Variants in ST8SIA2 observed in about 807,000 individuals in gnomAD.
ST8SIA2 encodes ST8 alpha-N-acetyl-neuraminide alpha-2,8-sialyltransferase 2.
A neutral mutation model predicts 37.6 loss-of-function variants in ST8SIA2; 22 were observed. The ratio of observed to expected loss-of-function variants is 0.58; its 90% CI spans 0.42 to 0.83. ST8SIA2 has a LOEUF of 0.83. ST8SIA2 is among the 40% of genes least tolerant of loss of function. The pLI is 0.00. For missense variants in ST8SIA2, 382 were observed against 484.7 expected (o/e 0.79, Z 1.99); for synonymous variants, 205 against 201.2 (o/e 1.02, Z -0.16).
chr15:92,455,670 AGCCATTGGCG>A (rs2049915101), intron 5 of ST8SIA2, among the ~76,000 whole-genome samples: 1 of 152,232 alleles, frequency 6.6e-6, no homozygotes, highest in Admixed American at 6.5e-5. Context: ...TGTAAGCAGA[AGCCATTGGCG>A]GGCATTGAGG....
intron 1 of ST8SIA2, among the ~76,000 whole-genome samples, chr15:92,408,670 CCATTTTTTTTATTTATTTATTTATT>C (rs2049525693): frequency 1.4e-5 from 2 of 147,534 alleles, no homozygotes; most frequent in South Asian, 4.3e-4. Context: ...CCACTGAGTT[CCATTTTTTTTATTTATTTATTTATT>C]TATTTATTTA....
At chr15:92,400,117 G>A (rs1482395122) in intron 1 of ST8SIA2, among the ~76,000 whole-genome samples, 1 of 152,102 alleles carries the variant, frequency 6.6e-6, no homozygotes, top group African/African-American at 2.4e-5. Context: ...TCCTGCTGTT[G>A]CCCTGCTCCT....
chr15:92,431,478 A>T (rs2049715403), intron 2 of ST8SIA2, among the ~76,000 whole-genome samples: 1 of 152,228 alleles, frequency 6.6e-6, no homozygotes, highest in African/African-American at 2.4e-5. Context: ...CTGATATGTT[A>T]AAGGTACTTA....
chr15:92,462,159 C>G (rs961981240), intron 5 of ST8SIA2, among the ~76,000 whole-genome samples: 2 of 152,170 alleles, frequency 1.3e-5, no homozygotes, highest in African/African-American at 4.8e-5. Context: ...CGATTCTGGC[C>G]ACCTAGGACC....
At chr15:92,404,002 C>G (rs1433906008) in intron 1 of ST8SIA2, among the ~76,000 whole-genome samples, 2 of 152,198 alleles carry the variant, frequency 1.3e-5, no homozygotes, top group Non-Finnish European at 2.9e-5. Context: ...GATGGCCCAG[C>G]CTTGGTAGTA....
chr15:92,395,088 G>T (rs893492544), intron 1 of ST8SIA2, among the ~76,000 whole-genome samples: 3 of 152,140 alleles, frequency 2.0e-5, no homozygotes, highest in African/African-American at 4.8e-5. Context: ...GCAGCCTTCG[G>T]CTCGCCGGGC....
chr15:92,463,164 G>A (rs1159199786), intron 5 of ST8SIA2, among the ~76,000 whole-genome samples: 1 of 152,242 alleles, frequency 6.6e-6, no homozygotes, highest in African/African-American at 2.4e-5. Flanking sequence ...TTCTTAGTCT[G>A]TGGAATGCAC....
Position 92,439,493 on chromosome 15 carries a change from C to T in ST8SIA2, c.548+883C>T, listed in dbSNP as rs577039089. On this transcript the variant is annotated intron_variant, in intron 4 of 5. Transcript: ENST00000268164. ...GCGGAGCCTCGAGTTTCATTCCAGC[C>T]GGCTCCCCAGCCCTGGCAGAACCGC... Among the ~76,000 whole-genome samples, 19 of 152,304 alleles carry T rather than the reference C, an allele frequency of 1.2e-4. 2 individuals carry two copies. In the East Asian group the frequency reaches 3.7e-3, roughly 29 times the overall value.
At chr15:92,452,997 C>T (rs1038235136) in intron 5 of ST8SIA2, among the ~76,000 whole-genome samples, 4 of 152,098 alleles carry the variant, frequency 2.6e-5, no homozygotes, top group Middle Eastern at 3.2e-3. Flanking sequence ...TGAGTCTCTG[C>T]TCGCACGGTG....
chr15:92,465,312 C>G lies in ST8SIA2; in HGVS notation c.*927C>G, dbSNP rs1305113014. On this transcript the variant is annotated 3_prime_UTR_variant, in exon 6 of 6. Coordinates refer to ENST00000268164, the MANE Select transcript of ST8SIA2 (RefSeq NM_006011.4). Reference sequence around the variant, plus strand: ...ACCCTCTGGGTTAGTCTCTGTCTCACCCTGTTAGAATGTCACGAGGGACTG... The same window carrying G: ...ACCCTCTGGGTTAGTCTCTGTCTCAGCCTGTTAGAATGTCACGAGGGACTG... The G allele has an allele frequency of 1.3e-5, 2 of 152,164 alleles. No homozygotes were observed. Among genetic ancestry groups the G allele is most frequent in the African/African-American group, 4.8e-5 (2 of 41,424 alleles). The allele number at this position is 152,164 out of a possible 1,614,324, so 9.4% of individuals were successfully genotyped here. A position where few individuals can be genotyped will look rare whatever the true frequency, so the allele number is the denominator to read the frequency against.
intron 1 of ST8SIA2, among the ~76,000 whole-genome samples, chr15:92,411,785 G>T (rs1018989672): frequency 2.6e-5 from 4 of 152,170 alleles, no homozygotes; most frequent in African/African-American, 9.7e-5. Context: ...TAGGCTGGAG[G>T]TTAGGCTAGA....
At chr15:92,451,085 T>A (rs1044557118) in intron 5 of ST8SIA2, among the ~76,000 whole-genome samples, 1 of 152,238 alleles carries the variant, frequency 6.6e-6, no homozygotes, top group Non-Finnish European at 1.5e-5. Context: ...GTTACCTTCA[T>A]CTTGTTACCT....
chr15:92,395,403 C>T (rs1410353576), intron 1 of ST8SIA2, among the ~76,000 whole-genome samples: 1 of 152,184 alleles, frequency 6.6e-6, no homozygotes, highest in Non-Finnish European at 1.5e-5. Flanking sequence ...GGCGGGATGC[C>T]GAGGCCCCAA....
intron 4 of ST8SIA2, among the ~76,000 whole-genome samples, chr15:92,439,873 G>T (rs2049788397): frequency 6.6e-6 from 1 of 152,096 alleles, no homozygotes; most frequent in South Asian, 2.1e-4. Context: ...GGGTGTTAAA[G>T]GTGAGTGTGT....
chr15:92,463,304 G>A (rs1043702954), intron 5 of ST8SIA2, among the ~76,000 whole-genome samples: 1 of 152,242 alleles, frequency 6.6e-6, no homozygotes, highest in African/African-American at 2.4e-5. Context: ...TGTTTCAGAG[G>A]TGGATACACC....
chr15:92,406,385 G>T (rs1470607627), intron 1 of ST8SIA2, among the ~76,000 whole-genome samples: 1 of 152,224 alleles, frequency 6.6e-6, no homozygotes, highest in Non-Finnish European at 1.5e-5. Context: ...GAGAACCAGT[G>T]AGCTAGAGCC....
Position 92,463,997 on chromosome 15 carries a change from CA to C in ST8SIA2, c.843-102del, listed in dbSNP as rs1486867809. The C allele has an allele frequency of 2.0e-6, 3 of 1,469,624 alleles. No individual in the cohort carries two copies. In the Admixed American group the frequency reaches 7.0e-5, roughly 34 times the overall value. The allele number at this position is 1,469,624 out of a possible 1,614,324, so 91.0% of individuals were successfully genotyped here. ...GTAGCTTGATCGGTCCCTGGAGTGGCAGAAGGCAGGCTGCTGGGCAGGATAA... is the reference window on the plus strand; with the variant it reads ...GTAGCTTGATCGGTCCCTGGAGTGGCGAAGGCAGGCTGCTGGGCAGGATAA... On this transcript the variant is annotated intron_variant, in intron 5 of 5. Transcript: ENST00000268164.
intron 2 of ST8SIA2, 67 bp from the exon 3 acceptor site, chr15:92,434,180 C>T: frequency 6.2e-7 from 1 of 1,607,002 alleles, no homozygotes; most frequent in Non-Finnish European, 8.5e-7. Flanking sequence ...AAAAACAAAA[C>T]TATTAGACTT....
intron 1 of ST8SIA2, 139 bp downstream of exon 1, chr15:92,394,301 A>C (rs1350660971): frequency 4.8e-6 from 4 of 839,396 alleles, no homozygotes; most frequent in Non-Finnish European, 7.8e-6. Context: ...GGTTTGGCAG[A>C]AGGTGGCGGC....
Sources: allele counts gnomAD v4.1 joint callset (sites outside exome capture counted in the v4.1 genomes callset), GRCh38; gene constraint gnomAD v4.1.1; transcripts MANE v1.5; gene names NCBI Gene and HGNC (gene_info 2026-07-23, HGNC 2026-07-21).